Variants in RTN4 observed in about 807,000 individuals in gnomAD.
RTN4 encodes the protein reticulon 4.
In RTN4, 32 loss-of-function variants were observed where a neutral mutation model predicts 90.4. The ratio of observed to expected loss-of-function variants is 0.35; its 90% CI spans 0.27 to 0.48. RTN4 has a LOEUF of 0.48. RTN4 is among the 20% of genes least tolerant of loss of function. RTN4 has a pLI of 0.99. For missense variants in RTN4, 1,706 were observed against 1,430.2 expected, an observed-to-expected ratio of 1.19 and a Z score of -3.11; for synonymous variants, 629 against 552.5, an observed-to-expected ratio of 1.14 and a Z score of -1.94.
the RTN4 span, among the ~76,000 whole-genome samples, chr2:55,129,167 C>T: frequency 1.3e-5 from 2 of 150,924 alleles, no homozygotes; most frequent in African/African-American, 2.4e-5. Flanking sequence ...TATAAAGAGG[C>T]AATTCACAAT....
rs572849895 is a variant in RTN4 at position 55,008,748 on chromosome 2, CTTAAG to C, written c.3013+16333_3013+16337del. 3.4e-3 allele frequency among the ~76,000 whole-genome samples: 521 copies of C among 152,198 alleles called. 2 individuals carry two copies. The highest frequency in any genetic ancestry group is 0.012 in the African/African-American group (492 of 41,530). On this transcript the variant is annotated intron_variant, in intron 3 of 8. Coordinates refer to ENST00000337526, the MANE Select transcript of RTN4 (RefSeq NM_020532.5). ...TAAGATGTTATTTAATGATTTAAGA[CTTAAG>C]TTATTAATAAAGAACCTTAATAGTT...
At chr2:55,035,779 G>GT (rs1682636847) in intron 1 of RTN4, among the ~76,000 whole-genome samples, 1 of 152,060 alleles carries the variant, frequency 6.6e-6, no homozygotes, top group Non-Finnish European at 1.5e-5. Context: ...TCCTAAAAAC[G>GT]TAAGAGAATA....
At chr2:55,133,381 C>T in the RTN4 span, among the ~76,000 whole-genome samples, 2 of 152,124 alleles carry the variant, frequency 1.3e-5, no homozygotes, top group African/African-American at 4.8e-5. Context: ...TATTTGTTCC[C>T]TCTCCCTGCC....
Position 55,027,266 on chromosome 2 carries a change from T to C in RTN4, c.833A>G (p.Glu278Gly). The C allele has an allele frequency of 6.2e-7, 1 of 1,613,778 alleles. No homozygotes were observed. The highest frequency in any genetic ancestry group is 8.5e-7 in the Non-Finnish European group (1 of 1,179,818). ...ATCTATGAGTAGAGTTTTTGCCTTC[T>C]CTGAGACCTCTTTAGAAGCTTCACT... ...NVSEASKEVS[E>G]KAKTLLIDRD... The change falls in exon 3 of 9, where the codon GAG becomes GGG. Residue 278 changes from glutamate (E) to glycine (G), a missense_variant. Physicochemically the swap from Glu to Gly is moderately conservative, Grantham distance 98 (BLOSUM62 -2). Coordinates refer to ENST00000337526, the MANE Select transcript of RTN4 (RefSeq NM_020532.5).
intron 5 of RTN4, among the ~76,000 whole-genome samples, chr2:54,976,341 T>C (rs1162899130): frequency 6.6e-6 from 1 of 152,112 alleles, no homozygotes; most frequent in Non-Finnish European, 1.5e-5. Context: ...GAACACTTCC[T>C]AAAAGCCAGG....
At chr2:55,059,997 A>G (rs1668261716) in intron 2 of RTN4, among the ~76,000 whole-genome samples, 1 of 152,072 alleles carries the variant, frequency 6.6e-6, no homozygotes, top group South Asian at 2.1e-4. Context: ...GTTTTGATTA[A>G]TGATGCAAAC....
At chr2:55,103,988 C>T (rs1667899169) in intron 1 of RTN4, among the ~76,000 whole-genome samples, 1 of 151,820 alleles carries the variant, frequency 6.6e-6, no homozygotes, top group African/African-American at 2.4e-5. Context: ...AGCCACCGCA[C>T]CTGGCCTATG....
intron 3 of RTN4, among the ~76,000 whole-genome samples, chr2:55,003,346 T>G (rs1679978167): frequency 6.6e-6 from 1 of 152,206 alleles, no homozygotes; most frequent in African/African-American, 2.4e-5. Context: ...AAATGTTATA[T>G]AGAATATGGT....
intron 1 of RTN4, among the ~76,000 whole-genome samples, chr2:55,031,714 A>G (rs1682331108): frequency 6.6e-6 from 1 of 152,196 alleles, no homozygotes; most frequent in Non-Finnish European, 1.5e-5. Flanking sequence ...ATGAGCCCAT[A>G]TTGTATTGGA....
intron 3 of RTN4, among the ~76,000 whole-genome samples, chr2:55,003,039 C>A (rs1679957721): frequency 6.6e-6 from 1 of 152,132 alleles, no homozygotes; most frequent in Admixed American, 6.5e-5. Flanking sequence ...CTGCTCAAAA[C>A]CCTATTTTCT....
chr2:55,076,042 G>A (rs1190972297), intron 2 of RTN4, among the ~76,000 whole-genome samples: 1 of 152,042 alleles, frequency 6.6e-6, no homozygotes, highest in African/African-American at 2.4e-5. Context: ...TCATGACCAA[G>A]AACCCAAAAG....
At chr2:54,976,477 C>A (rs907429888) in intron 5 of RTN4, among the ~76,000 whole-genome samples, 2 of 152,336 alleles carry the variant, frequency 1.3e-5, no homozygotes, top group South Asian at 4.1e-4. Flanking sequence ...TTCTTCCTCT[C>A]AAAGGGGCAC....
At chr2:55,134,888 T>C in the RTN4 span, among the ~76,000 whole-genome samples, 1 of 152,204 alleles carries the variant, frequency 6.6e-6, no homozygotes, top group Admixed American at 6.6e-5. Context: ...GGTCTAGATC[T>C]CTGCTGTCCA....
intron 1 of RTN4, among the ~76,000 whole-genome samples, chr2:55,098,148 C>T (rs1159996312): frequency 6.6e-6 from 1 of 151,988 alleles, no homozygotes; most frequent in Non-Finnish European, 1.5e-5. Flanking sequence ...TAGTGTTGTC[C>T]CATTTTCTTT....
chr2:54,974,686 T>C lies in RTN4; in HGVS notation c.3430+9A>G. The C allele has an allele frequency of 6.2e-7, 1 of 1,609,256 alleles. No homozygotes were observed. The highest frequency in any genetic ancestry group is 8.5e-7 in the Non-Finnish European group (1 of 1,175,520). On this transcript the variant is annotated intron_variant, in intron 6 of 8. Transcript: ENST00000337526. ...GCAATTTTTCATCCCAATGGCTTTG[T>C]AGACTTACCCAAAATCAGTAGTGTC... is the stretch of plus-strand genomic sequence containing the variant.
intron 3 of RTN4, among the ~76,000 whole-genome samples, chr2:54,989,853 A>T (rs1182989797): frequency 6.6e-6 from 1 of 152,216 alleles, no homozygotes; most frequent in Admixed American, 6.5e-5. Context: ...GCCTAACTGT[A>T]AGCATCTTTC....
intron 2 of RTN4, among the ~76,000 whole-genome samples, chr2:55,065,168 T>C (rs1668368076): frequency 6.6e-6 from 1 of 152,234 alleles, no homozygotes; most frequent in African/African-American, 2.4e-5. Flanking sequence ...AGTTTTTTCA[T>C]ATCAGAATCC....
Position 54,973,616 on chromosome 2 carries a change from C to A in RTN4, c.3483G>T (p.Gln1161His). The A allele has an allele frequency of 6.2e-7, 1 of 1,609,418 alleles. No individual in the cohort carries two copies. The highest frequency in any genetic ancestry group is 8.5e-7 in the Non-Finnish European group (1 of 1,175,824). The change falls in exon 8 of 9, where the codon CAG becomes CAT. Residue 1161 changes from glutamine (Q) to histidine (H), a missense_variant. By Grantham distance (24) the Gln-to-His change is conservative. Coordinates refer to ENST00000337526, the MANE Select transcript of RTN4 (RefSeq NM_020532.5). Reference sequence around the variant, plus strand: ...TTGCAAGTCCTAGATAATGATCTATCTGTGCCTGAAAGAGAGGTATAAAGG... The same window carrying A: ...TTGCAAGTCCTAGATAATGATCTATATGTGCCTGAAAGAGAGGTATAAAGG... ...VPVIYERHQA[Q>H]IDHYLGLANK...
intron 4 of RTN4, among the ~76,000 whole-genome samples, chr2:54,983,332 TAAATA>T (rs1175411666): frequency 6.6e-6 from 1 of 150,722 alleles, no homozygotes; most frequent in African/African-American, 2.4e-5. Flanking sequence ...AATAAATAAA[TAAATA>T]AATAAATAAA....
Sources: gnomAD v4.1 joint callset for allele counts (sites outside exome capture counted in the v4.1 genomes callset) on GRCh38, gnomAD v4.1.1 for gene constraint, MANE v1.5 for transcripts, NCBI Gene and HGNC (gene_info 2026-07-23, HGNC 2026-07-21) for gene names.